ARHGAP15: variants seen among roughly 807,000 people sequenced by gnomAD.
The protein encoded by ARHGAP15 is Rho GTPase activating protein 15, also known as rho GTPase-activating protein 15.
A neutral mutation model predicts 63.7 loss-of-function variants in ARHGAP15; 51 were observed. The ratio of observed to expected loss-of-function variants is 0.80; its 90% CI spans 0.64 to 1.01. The LOEUF (loss-of-function observed/expected upper bound fraction) is 1.01, where lower values mean the gene tolerates loss of function less well. ARHGAP15 is among the 50% of genes least tolerant of loss of function. ARHGAP15 has a pLI of 0.00. For missense variants in ARHGAP15, 560 were observed against 564.6 expected, an observed-to-expected ratio of 0.99 and a Z score of 0.08; for synonymous variants, 191 against 193.8, an observed-to-expected ratio of 0.99 and a Z score of 0.12.
At chr2:143,163,768 A>G (rs2105028067) in intron 2 of ARHGAP15, among the ~76,000 whole-genome samples, 1 of 152,236 alleles carries the variant, frequency 6.6e-6, no homozygotes, top group South Asian at 2.1e-4. Context: ...TCTGACTTAG[A>G]AAGATTTGCT....
intron 8 of ARHGAP15, among the ~76,000 whole-genome samples, chr2:143,467,031 G>A (rs977077831): frequency 3.3e-5 from 5 of 152,102 alleles, no homozygotes; most frequent in African/African-American, 1.2e-4. Context: ...TTAATTTCTC[G>A]TGTTTTTCAG....
At chr2:143,394,790 G>A (rs1203954539) in intron 6 of ARHGAP15, among the ~76,000 whole-genome samples, 1 of 152,116 alleles carries the variant, frequency 6.6e-6, no homozygotes, top group African/African-American at 2.4e-5. Flanking sequence ...GGAGACTGGA[G>A]AAATCCTAGG....
chr2:143,588,640 T>C (rs1287473722), intron 11 of ARHGAP15, among the ~76,000 whole-genome samples: 1 of 152,218 alleles, frequency 6.6e-6, no homozygotes, highest in Non-Finnish European at 1.5e-5. Flanking sequence ...GCTTCATCCA[T>C]GTCCCTGCAA....
chr2:143,582,135 G>T (rs1246288499), intron 11 of ARHGAP15, among the ~76,000 whole-genome samples: 1 of 152,164 alleles, frequency 6.6e-6, no homozygotes, highest in Non-Finnish European at 1.5e-5. Flanking sequence ...CCTTGCCTCT[G>T]TGTATTTGAC....
intron 6 of ARHGAP15, among the ~76,000 whole-genome samples, chr2:143,380,911 T>G (rs1574363460): frequency 6.9e-6 from 1 of 144,730 alleles, no homozygotes; most frequent in East Asian, 2.0e-4. Flanking sequence ...CTCTGAATAC[T>G]TAACAGAAAG....
intron 11 of ARHGAP15, among the ~76,000 whole-genome samples, chr2:143,568,282 G>A (rs1376818950): frequency 6.6e-6 from 1 of 152,088 alleles, no homozygotes; most frequent in African/African-American, 2.4e-5. Context: ...CTGACAAAGG[G>A]CTAATATCCA....
intron 1 of ARHGAP15, among the ~76,000 whole-genome samples, chr2:143,137,996 T>C (rs932881820): frequency 6.6e-5 from 10 of 152,042 alleles, no homozygotes; most frequent in Non-Finnish European, 1.5e-4. Flanking sequence ...AAGGAAAAAA[T>C]GTATGGTGAT....
At chr2:143,392,442 G>A (rs1375230307) in intron 6 of ARHGAP15, among the ~76,000 whole-genome samples, 1 of 152,074 alleles carries the variant, frequency 6.6e-6, no homozygotes, top group East Asian at 1.9e-4. Flanking sequence ...TTCAACAGAT[G>A]TAGATTTAAA....
intron 1 of ARHGAP15, among the ~76,000 whole-genome samples, chr2:143,141,470 G>A (rs546998308): frequency 6.6e-6 from 1 of 152,200 alleles, no homozygotes; most frequent in East Asian, 1.9e-4. Context: ...GAGACACACA[G>A]CTCAAATAGA....
intron 13 of ARHGAP15, among the ~76,000 whole-genome samples, chr2:143,715,039 A>G (rs1684746945): frequency 6.6e-6 from 1 of 152,160 alleles, no homozygotes; most frequent in Non-Finnish European, 1.5e-5. Flanking sequence ...TTACTGTATC[A>G]GTCCATTTTC....
chr2:143,678,694 C>A (rs1415192469), intron 12 of ARHGAP15, among the ~76,000 whole-genome samples: 2 of 152,178 alleles, frequency 1.3e-5, no homozygotes, highest in African/African-American at 4.8e-5. Context: ...ATTCTATATT[C>A]TGTGGCTCTG....
At chr2:143,473,624 TTG>T (rs1691679365) in intron 8 of ARHGAP15, among the ~76,000 whole-genome samples, 2 of 152,302 alleles carry the variant, frequency 1.3e-5, no homozygotes, top group South Asian at 4.1e-4. Context: ...ACTACATCTG[TTG>T]TGTTATTTAA....
At chr2:143,165,585 C>G (rs1332371512) in intron 2 of ARHGAP15, among the ~76,000 whole-genome samples, 1 of 152,012 alleles carries the variant, frequency 6.6e-6, no homozygotes, top group East Asian at 1.9e-4. Flanking sequence ...AATTAAATAG[C>G]AAGAGCTGAT....
intron 3 of ARHGAP15, among the ~76,000 whole-genome samples, chr2:143,214,708 T>C: frequency 6.6e-6 from 1 of 152,250 alleles, no homozygotes; most frequent in East Asian, 1.9e-4. Flanking sequence ...GTCATCATTA[T>C]TATTATCTCT....
intron 13 of ARHGAP15, among the ~76,000 whole-genome samples, chr2:143,762,813 G>A (rs1169048273): frequency 6.6e-6 from 1 of 152,074 alleles, no homozygotes; most frequent in Non-Finnish European, 1.5e-5. Context: ...ACTTTGGAAT[G>A]CCATTTTTCG....
At chr2:143,300,185 G>A (rs1055551268) in intron 6 of ARHGAP15, among the ~76,000 whole-genome samples, 1 of 151,990 alleles carries the variant, frequency 6.6e-6, no homozygotes, top group African/African-American at 2.4e-5. Context: ...GAAGGGACCA[G>A]GTCTGTTGGT....
chr2:143,626,252 T>A (rs1559088037), intron 12 of ARHGAP15, among the ~76,000 whole-genome samples: 2 of 152,158 alleles, frequency 1.3e-5, no homozygotes, highest in Admixed American at 6.5e-5. Flanking sequence ...TGTAAGAGGG[T>A]GCACAAACAG....
intron 6 of ARHGAP15, among the ~76,000 whole-genome samples, chr2:143,275,111 T>C (rs1015981204): frequency 4.5e-4 from 69 of 152,168 alleles, no homozygotes; most frequent in African/African-American, 1.7e-3. Flanking sequence ...TGAGCCAAGA[T>C]GGCACCACTG....
chr2:143,715,165 C>A (rs541375744), intron 13 of ARHGAP15, among the ~76,000 whole-genome samples: 2 of 152,164 alleles, frequency 1.3e-5, no homozygotes, highest in South Asian at 4.1e-4. Context: ...AAAGGTACTT[C>A]TTACATTGTG....
Sources: gnomAD v4.1 joint callset for allele counts (sites outside exome capture counted in the v4.1 genomes callset) on GRCh38, gnomAD v4.1.1 for gene constraint, MANE v1.5 for transcripts, NCBI Gene and HGNC (gene_info 2026-07-23, HGNC 2026-07-21) for gene names.